Variants in CAPN2 observed in about 807,000 individuals in gnomAD.
CAPN2 encodes calpain-2 catalytic subunit.
A neutral mutation model predicts 102.3 loss-of-function variants in CAPN2; 92 were observed. The ratio of observed to expected loss-of-function variants is 0.90; its 90% confidence interval spans 0.76 to 1.07. The LOEUF is 1.07. Ranked by LOEUF, CAPN2 falls within the 50% of genes least tolerant of loss-of-function variation. The pLI, the probability that CAPN2 is intolerant of heterozygous loss-of-function variation, is 0.00. For synonymous variants in CAPN2, 340 were observed against 355.4 expected, an observed-to-expected ratio of 0.96 and a Z score of 0.49; for missense variants, 800 against 909.4, an observed-to-expected ratio of 0.88 and a Z score of 1.55.
chr1:223,750,354 C>T (rs1660855354), intron 6 of CAPN2, among the ~76,000 whole-genome samples: 1 of 152,190 alleles, frequency 6.6e-6, no homozygotes, highest in East Asian at 1.9e-4. Flanking sequence ...TGAATAAGGA[C>T]ATTCTGTTAC....
chr1:223,774,123 T>C (rs1399918660), intron 20 of CAPN2, among the ~76,000 whole-genome samples: 1 of 152,100 alleles, frequency 6.6e-6, no homozygotes, highest in African/African-American at 2.4e-5. Context: ...TAGCCTGTCA[T>C]TCTTGCTGGA....
intron 4 of CAPN2, among the ~76,000 whole-genome samples, chr1:223,745,954 T>C (rs1372922313): frequency 1.3e-5 from 2 of 152,244 alleles, no homozygotes; most frequent in Non-Finnish European, 2.9e-5. Context: ...TGATTAGCAA[T>C]GGCTTCCCCA....
At chr1:223,740,229 A>G (rs1253363355) in intron 2 of CAPN2, among the ~76,000 whole-genome samples, 1 of 152,176 alleles carries the variant, frequency 6.6e-6, no homozygotes, top group African/African-American at 2.4e-5. Flanking sequence ...CTGAAACACC[A>G]TTGAGTCACC....
chr1:223,749,459 T>G, intron 6 of CAPN2: 1 of 335,406 alleles, frequency 3.0e-6, no homozygotes, highest in South Asian at 5.4e-5. Flanking sequence ...TTATACTCTA[T>G]AAGGTGCTTT....
intron 1 of CAPN2, 41 bp downstream of exon 1, chr1:223,712,918 G>T: frequency 1.4e-6 from 2 of 1,424,834 alleles, no homozygotes; most frequent in Non-Finnish European, 1.9e-6. Flanking sequence ...GCGGGGTGCC[G>T]GGCAGGGCGG....
At chr1:223,735,043 C>G (rs536251015) in intron 2 of CAPN2, among the ~76,000 whole-genome samples, 129 of 152,286 alleles carry the variant, frequency 8.5e-4, no homozygotes, top group Non-Finnish European at 1.2e-3. Flanking sequence ...TTGCACAAAA[C>G]ATTTGGGGTT....
chr1:223,745,041 CAA>C (rs35193281), intron 3 of CAPN2, among the ~76,000 whole-genome samples: 3,911 of 109,404 alleles, frequency 0.036, 177 homozygotes, highest in African/African-American at 0.1. Context: ...GACTTGGTCT[CAA>C]AAAAAAAAAA....
upstream of CAPN2, chr1:223,712,322 G>C (rs1281630284): frequency 2.3e-6 from 1 of 428,844 alleles, no homozygotes; most frequent in Non-Finnish European, 3.1e-6. Context: ...TCTGGACCGC[G>C]ATTCGCGAGC....
rs1032204655 is a variant in CAPN2 at position 223,726,322 on chromosome 1, G to A, written c.307+8491G>A. Among the ~76,000 whole-genome samples the A allele has an allele frequency of 2.0e-5, 3 of 152,080 alleles. No individual in the cohort carries two copies. The highest frequency in any genetic ancestry group is 4.8e-5 in the African/African-American group (2 of 41,370). On this transcript the variant is annotated intron_variant, in intron 2 of 20. Transcript: ENST00000295006. This position sits in a 1 kb window ranked among gnomAD's most constrained non-coding sequence, Gnocchi z 4.4. The stretch of plus-strand genomic sequence containing the variant: ...GGAGGAAGAGGGTGGGTTTGCCTGC[G>A]CCTGGGGGGAGGGCAGCCATCAGGA...
chr1:223,774,699 GAGTT>G (rs960924345), intron 20 of CAPN2, 131 bp from the exon 21 acceptor site: 1 of 720,636 alleles, frequency 1.4e-6, no homozygotes, highest in African/African-American at 1.8e-5. Flanking sequence ...AGAAAAATAT[GAGTT>G]AGTGCACTGA....
chr1:223,736,773 G>A (rs762523516), intron 2 of CAPN2, among the ~76,000 whole-genome samples: 26 of 152,200 alleles, frequency 1.7e-4, no homozygotes, highest in Non-Finnish European at 2.8e-4. Flanking sequence ...GGCTGGTCAC[G>A]GTGGCTCACG....
rs1660726591 is a variant in CAPN2, at chr1:223,745,335, G to A, written c.456G>A (p.Val152=). The change falls in exon 4 of 21, where the codon GTG becomes GTA. Residue 152 remains valine, a synonymous_variant. Transcript: ENST00000295006. ...QFWQYGEWVE[V]VVDDRLPTKD... ...GGCAATACGGCGAGTGGGTGGAGGT[G>A]GTGGTGGATGACAGGCTGCCCACCA... 1 of 1,614,214 alleles carries A rather than the reference G, an allele frequency of 6.2e-7. No individual in the cohort carries two copies. Among genetic ancestry groups the A allele is most frequent in the Non-Finnish European group, 8.5e-7 (1 of 1,180,028 alleles).
chr1:223,706,251 T>G (rs892303232), intron 1 of CAPN2, among the ~76,000 whole-genome samples: 1 of 152,170 alleles, frequency 6.6e-6, no homozygotes, highest in Non-Finnish European at 1.5e-5. Context: ...GAGAAGCCTT[T>G]CCATGCCTCT....
chr1:223,748,544 G>C (rs1193234508), intron 5 of CAPN2, among the ~76,000 whole-genome samples: 2 of 152,202 alleles, frequency 1.3e-5, no homozygotes, highest in African/African-American at 4.8e-5. Flanking sequence ...AAACCCTACA[G>C]CTGGGCTGGG....
chr1:223,763,184 T>A (rs1558076890), intron 14 of CAPN2, among the ~76,000 whole-genome samples: 1 of 150,598 alleles, frequency 6.6e-6, no homozygotes, highest in African/African-American at 2.5e-5. Flanking sequence ...TATTTAGCCC[T>A]CTTTCTTCCC....
At chr1:223,741,620 A>G (rs1451659812) in intron 2 of CAPN2, among the ~76,000 whole-genome samples, 2 of 150,344 alleles carry the variant, frequency 1.3e-5, no homozygotes, top group Admixed American at 6.6e-5. Flanking sequence ...ATGCCCAGCT[A>G]ATTTTTGTAT....
intron 1 of CAPN2, among the ~76,000 whole-genome samples, chr1:223,702,867 C>T (rs1170069531): frequency 6.6e-6 from 1 of 152,058 alleles, no homozygotes; most frequent in South Asian, 2.1e-4. Flanking sequence ...TGAGAAAGAA[C>T]AGCCAGGAAG....
rs1661018582 is a variant in CAPN2, at chr1:223,755,713, A to G, written c.1305+64A>G. On this transcript the variant is annotated intron_variant, in intron 10 of 20. Transcript: ENST00000295006. This position sits in a 1 kb window ranked among gnomAD's most constrained non-coding sequence, Gnocchi z 4.1. ...TGTTCATCTCAGCCCCTGCATGGAAAGCTGACCCCAGAGGCAGAACTGGGG... is the reference window on the plus strand; with the variant it reads ...TGTTCATCTCAGCCCCTGCATGGAAGGCTGACCCCAGAGGCAGAACTGGGG... The G allele has an allele frequency of 6.9e-7, 1 of 1,439,428 alleles. No individual in the cohort carries two copies. The highest frequency in any genetic ancestry group is 1.4e-5 in the South Asian group (1 of 70,300). The allele number at this position is 1,439,428 out of a possible 1,614,324, so 89.2% of individuals were successfully genotyped here.
Position 223,732,569 on chromosome 1 carries a change from C to T in CAPN2, c.308-11531C>T, listed in dbSNP as rs146086996. 9.9e-3 allele frequency among the ~76,000 whole-genome samples: 1,513 copies of T among 152,212 alleles called. 11 individuals carry two copies. Among genetic ancestry groups the T allele is most frequent in the Middle Eastern group, 0.024 (7 of 294 alleles). Reference sequence around the variant, plus strand: ...CATCTTGGTTTTGGTAGGTTTTGGCCGGCTTCTTTACTGCAACTGTTTTAT... The same window carrying T: ...CATCTTGGTTTTGGTAGGTTTTGGCTGGCTTCTTTACTGCAACTGTTTTAT... On this transcript the variant is annotated intron_variant, in intron 2 of 20. Coordinates refer to ENST00000295006, the MANE Select transcript of CAPN2 (RefSeq NM_001748.5).
Sources: allele counts gnomAD v4.1 joint callset (sites outside exome capture counted in the v4.1 genomes callset), GRCh38; gene constraint gnomAD v4.1.1; non-coding constraint Gnocchi (gnomAD v3.1); transcripts MANE v1.5; gene names NCBI Gene and HGNC (gene_info 2026-07-23, HGNC 2026-07-21).